The following MYT1L variants were observed in gnomAD, a reference collection of about 807,000 sequenced individuals.
MYT1L encodes myelin transcription factor 1 like.
In MYT1L, 12 loss-of-function variants were observed where a neutral mutation model predicts 126.7. That is an observed-to-expected ratio of 0.09 (90% CI 0.06 to 0.15). The LOEUF (loss-of-function observed/expected upper bound fraction) is 0.15. MYT1L is among the 10% of genes least tolerant of loss of function. MYT1L has a pLI of 1.00. For synonymous variants in MYT1L, 541 were observed against 604.2 expected, an observed-to-expected ratio of 0.90 and a Z score of 1.53; for missense variants, 979 against 1,585.2, an observed-to-expected ratio of 0.62 and a Z score of 6.49.
At position 1,791,038 on chromosome 2, in the gene MYT1L, C is replaced by A. The variant is rs554026033; in HGVS notation, c.*829G>T. ...AAGGAAATCTTCACGTTGTCCACCT[C>A]TGATAAGATCCTGTCTTAACTGGAG... On this transcript the variant is annotated 3_prime_UTR_variant, in exon 25 of 25. Transcript: ENST00000647738. The surrounding 1 kb of genome is among the most constrained non-coding windows in gnomAD (Gnocchi z 6.0). The A allele has an allele frequency of 8.8e-6, 3 of 339,106 alleles. No individual in the cohort carries two copies. The highest frequency in any genetic ancestry group is 6.5e-5 in the African/African-American group (3 of 46,500). 21.0% of individuals were successfully genotyped at this position (339,106 alleles called of 1,614,324 possible). A position where few individuals can be genotyped will look rare whatever the true frequency, so the allele number is the denominator to read the frequency against.
intron 2 of MYT1L, among the ~76,000 whole-genome samples, chr2:2,250,264 C>G (rs987694436): frequency 6.6e-6 from 1 of 152,116 alleles, no homozygotes; most frequent in African/African-American, 2.4e-5. Flanking sequence ...TTGGAAGCAA[C>G]CTAAGTGTCC....
At chr2:2,122,768 G>C (rs1177064789) in intron 3 of MYT1L, among the ~76,000 whole-genome samples, 1 of 151,976 alleles carries the variant, frequency 6.6e-6, no homozygotes, top group African/African-American at 2.4e-5. Flanking sequence ...ATCAGTGGAG[G>C]GTTCTGTCTC....
At chr2:1,977,086 T>G (rs1227616268) in intron 8 of MYT1L, among the ~76,000 whole-genome samples, 3 of 152,196 alleles carry the variant, frequency 2.0e-5, no homozygotes, top group Non-Finnish European at 2.9e-5. Context: ...GTTCTAATAA[T>G]TACATACCAT....
intron 3 of MYT1L, among the ~76,000 whole-genome samples, chr2:2,123,472 A>G (rs1173853095): frequency 2.6e-5 from 4 of 152,104 alleles, no homozygotes; most frequent in African/African-American, 9.7e-5. Context: ...CTGGGAGGCA[A>G]TTGGATCATG....
chr2:2,088,733 C>T (rs2076604877), intron 3 of MYT1L, among the ~76,000 whole-genome samples: 1 of 152,166 alleles, frequency 6.6e-6, no homozygotes, highest in Non-Finnish European at 1.5e-5. Flanking sequence ...AGACGCCATG[C>T]TTCTAACCTG....
intron 2 of MYT1L, among the ~76,000 whole-genome samples, chr2:2,232,088 C>T (rs1469690971): frequency 6.6e-6 from 1 of 152,234 alleles, no homozygotes; most frequent in Non-Finnish European, 1.5e-5. Flanking sequence ...CGACAGAGAA[C>T]ACAATGAGAA....
At chr2:1,839,003 G>T in intron 21 of MYT1L, 146 bp downstream of exon 21, 1 of 741,958 alleles carries the variant, frequency 1.3e-6, no homozygotes, top group South Asian at 2.0e-5. Context: ...CTTGAATTTT[G>T]TTAGGTTGGT....
intron 13 of MYT1L, among the ~76,000 whole-genome samples, chr2:1,906,337 C>T (rs1463833542): frequency 6.6e-6 from 1 of 152,088 alleles, no homozygotes; most frequent in Admixed American, 6.6e-5. Context: ...ATATTGAAAT[C>T]AATGAATATT....
At position 1,839,172 on chromosome 2, in the gene MYT1L, G is replaced by A. The variant is rs574180049; in HGVS notation, c.3057C>T (p.Ser1019=). ...ACCTGCGGTGTGTGAGGAAGCTGCC[G>A]CTGACGTGGCCTGAGCCGTCGCATC... is the stretch of plus-strand genomic sequence containing the variant. ...TPGCDGSGHV[S]GSFLTHRSLS... is the part of the protein sequence containing the mutation. The change falls in exon 21 of 25, where the codon AGC becomes AGT. Residue 1019 remains serine (S), a synonymous_variant. Coordinates refer to ENST00000647738, the MANE Select transcript of MYT1L (RefSeq NM_001303052.2). 2.9e-5 allele frequency: 46 copies of A among 1,612,718 alleles called. No individual in the cohort carries two copies. The highest frequency in any genetic ancestry group is 3.4e-5 in the Non-Finnish European group (40 of 1,179,722).
chr2:2,143,411 T>C (rs758079496), intron 3 of MYT1L, among the ~76,000 whole-genome samples: 1 of 152,022 alleles, frequency 6.6e-6, no homozygotes, highest in African/African-American at 2.4e-5. Context: ...GGTCACTCTA[T>C]GTGCACAGCC....
rs968497692 is a variant in MYT1L at position 1,806,325 on chromosome 2, G to T, written c.3172+2751C>A. Reference sequence around the variant, plus strand: ...TTTACCCATGGACGTGCGTGCATTAGGATCTGCAGCAAGGGGAACTGTTTG... The same window carrying T: ...TTTACCCATGGACGTGCGTGCATTATGATCTGCAGCAAGGGGAACTGTTTG... On this transcript the variant is annotated intron_variant, in intron 22 of 24. Coordinates refer to ENST00000647738, the MANE Select transcript of MYT1L (RefSeq NM_001303052.2). The surrounding 1 kb of genome is among the most constrained non-coding windows in gnomAD (Gnocchi z 4.9). Among the ~76,000 whole-genome samples the T allele has an allele frequency of 6.6e-6, 1 of 152,188 alleles. No homozygotes were observed. The highest frequency in any genetic ancestry group is 1.5e-5 in the Non-Finnish European group (1 of 68,044).
intron 14 of MYT1L, chr2:1,902,801 C>A: frequency 2.3e-6 from 1 of 443,238 alleles, no homozygotes; most frequent in Admixed American, 3.6e-5. Flanking sequence ...TAAGCCAGTC[C>A]ATAGCTTCTC....
Position 2,319,339 on chromosome 2 carries a change from C to G in MYT1L, c.-521+11628G>C, listed in dbSNP as rs1212763650. 4 of 152,172 alleles carry G rather than the reference C, an allele frequency of 2.6e-5. No individual in the cohort carries two copies. The East Asian group carries it at 7.7e-4, about 29-fold the overall frequency. The allele number at this position is 152,172 out of a possible 1,614,324, so 9.4% of individuals were successfully genotyped here. On this transcript the variant is annotated intron_variant, in intron 1 of 24. Transcript: ENST00000647738. ...AACAGACCCCTGACAGTTACCAACA[C>G]TTTCCTCCAAACAGCATTCTGTTTA...
rs879792677 is a variant in MYT1L, at chr2:1,890,644, TA to T, written c.2284-1168del. Among the ~76,000 whole-genome samples the T allele has an allele frequency of 4.0e-3, 578 of 145,894 alleles. 2 individuals are homozygous for T. The highest frequency in any genetic ancestry group is 0.011 in the African/African-American group (425 of 40,162). ...AAGAATGGACACATGGACAGAAAGT[TA>T]AAAAAAAAAAATCAGAATACCCCTA... On this transcript the variant is annotated intron_variant, in intron 15 of 24. Coordinates refer to ENST00000647738, the MANE Select transcript of MYT1L (RefSeq NM_001303052.2).
chr2:1,914,694 C>G lies in MYT1L; in HGVS notation c.1618+2511G>C, dbSNP rs564502111. Among the ~76,000 whole-genome samples, 44 of 152,270 alleles carry G rather than the reference C, an allele frequency of 2.9e-4. No individual in the cohort carries two copies. The South Asian group carries it at 8.9e-3, about 31-fold the overall frequency. The stretch of plus-strand genomic sequence containing the variant: ...TTTCTGTACAGATTATCGGCCCTGG[C>G]GTCCTTAAGTTCACCGAGGCTATAA... On this transcript the variant is annotated intron_variant, in intron 11 of 24. Coordinates refer to ENST00000647738, the MANE Select transcript of MYT1L (RefSeq NM_001303052.2).
intron 3 of MYT1L, among the ~76,000 whole-genome samples, chr2:2,119,286 G>C (rs1401699608): frequency 1.3e-5 from 2 of 152,182 alleles, no homozygotes; most frequent in African/African-American, 2.4e-5. Context: ...ATTACAGAGT[G>C]CTTTTACCTA....
intron 10 of MYT1L, among the ~76,000 whole-genome samples, chr2:1,921,650 GC>G (rs1482780338): frequency 6.6e-6 from 1 of 152,162 alleles, no homozygotes; most frequent in East Asian, 1.9e-4. Context: ...TAAAGAAATT[GC>G]TATTGATCTT....
At chr2:1,948,856 T>C (rs1327138542) in intron 8 of MYT1L, among the ~76,000 whole-genome samples, 1 of 152,248 alleles carries the variant, frequency 6.6e-6, no homozygotes, top group Non-Finnish European at 1.5e-5. Flanking sequence ...CACAATGCAC[T>C]GACAGAATGA....
At chr2:1,923,413 T>G in intron 9 of MYT1L, 150 bp from the exon 10 acceptor site, 1 of 676,330 alleles carries the variant, frequency 1.5e-6, no homozygotes, top group East Asian at 2.7e-5. Flanking sequence ...TGCAGCTGGG[T>G]TGAAAAAGTT....
Sources: gnomAD v4.1 joint callset for allele counts (sites outside exome capture counted in the v4.1 genomes callset) on GRCh38, gnomAD v4.1.1 for gene constraint, Gnocchi (gnomAD v3.1) non-coding constraint, MANE v1.5 for transcripts, NCBI Gene and HGNC (gene_info 2026-07-23, HGNC 2026-07-21) for gene names.